Variants in BTBD9 observed in about 807,000 individuals in gnomAD.
BTBD9 encodes the protein BTB/POZ domain-containing protein 9.
BTBD9 carries 49 observed loss-of-function variants against 64.3 expected under a neutral mutation model. The observed-to-expected ratio is 0.76, with a 90% CI of 0.61 to 0.97. The LOEUF (loss-of-function observed/expected upper bound fraction) is 0.97. Among genes scored for constraint, BTBD9 ranks in the 50% least tolerant of loss-of-function variants. The pLI is 0.00. For synonymous variants in BTBD9, 260 were observed against 274.7 expected (o/e 0.95, Z 0.53); for missense variants, 598 against 762.1 (o/e 0.78, Z 2.53).
intron 10 of BTBD9, among the ~76,000 whole-genome samples, chr6:38,188,086 C>T (rs1179442048): frequency 6.6e-6 from 1 of 152,212 alleles, no homozygotes; most frequent in African/African-American, 2.4e-5. Flanking sequence ...GGCAAGAAAT[C>T]CCAGTCCGCC....
At chr6:38,558,923 T>A (rs1562338900) in intron 6 of BTBD9, among the ~76,000 whole-genome samples, 1 of 152,154 alleles carries the variant, frequency 6.6e-6, no homozygotes, top group Non-Finnish European at 1.5e-5. Context: ...TCTCTCCTCC[T>A]CCATCGTTTG....
intron 6 of BTBD9, among the ~76,000 whole-genome samples, chr6:38,475,267 T>C (rs1252676025): frequency 6.6e-6 from 1 of 152,238 alleles, no homozygotes; most frequent in Admixed American, 6.5e-5. Context: ...TTTTTCTATT[T>C]TCCAAATTTT....
intron 7 of BTBD9, among the ~76,000 whole-genome samples, chr6:38,290,392 G>A (rs1356473001): frequency 6.6e-6 from 1 of 151,682 alleles, no homozygotes; most frequent in Non-Finnish European, 1.5e-5. Flanking sequence ...AAAAAGGGCA[G>A]TATTCTTTGA....
At chr6:38,281,225 A>G (rs1415890638) in intron 8 of BTBD9, among the ~76,000 whole-genome samples, 1 of 152,196 alleles carries the variant, frequency 6.6e-6, no homozygotes, top group Non-Finnish European at 1.5e-5. Flanking sequence ...TGCATGAGCA[A>G]CAGTTAGGCA....
At chr6:38,525,483 T>C (rs1453862987) in intron 6 of BTBD9, among the ~76,000 whole-genome samples, 1 of 152,210 alleles carries the variant, frequency 6.6e-6, no homozygotes, top group Non-Finnish European at 1.5e-5. Context: ...ATACAGAGAA[T>C]GTGGAAGCCA....
intron 2 of BTBD9, among the ~76,000 whole-genome samples, chr6:38,597,049 A>C (rs1777061516): frequency 6.6e-6 from 1 of 152,178 alleles, no homozygotes. Context: ...GGCATTTTAC[A>C]TGTGTAAGAT....
At chr6:38,209,287 G>A (rs1280467242) in intron 9 of BTBD9, among the ~76,000 whole-genome samples, 2 of 152,156 alleles carry the variant, frequency 1.3e-5, no homozygotes, top group African/African-American at 4.8e-5. Flanking sequence ...TGTTAAAATG[G>A]ACTCTTGTAC....
chr6:38,277,942 C>T (rs1318804974), intron 8 of BTBD9, among the ~76,000 whole-genome samples: 1 of 152,290 alleles, frequency 6.6e-6, no homozygotes. Flanking sequence ...AGCCAACCCC[C>T]TTACCATGAC....
At chr6:38,400,088 G>A (rs1056952181) in intron 6 of BTBD9, among the ~76,000 whole-genome samples, 1 of 151,782 alleles carries the variant, frequency 6.6e-6, no homozygotes, top group Non-Finnish European at 1.5e-5. Context: ...ACTATTTTTG[G>A]CTTTCCTGTC....
intron 7 of BTBD9, among the ~76,000 whole-genome samples, chr6:38,295,389 C>T (rs1213507106): frequency 6.6e-6 from 1 of 152,062 alleles, no homozygotes; most frequent in Non-Finnish European, 1.5e-5. Context: ...TGGTCTTGAA[C>T]TCCTGGGCTC....
At chr6:38,489,996 T>TC (rs1771630325) in intron 6 of BTBD9, among the ~76,000 whole-genome samples, 2 of 152,368 alleles carry the variant, frequency 1.3e-5, no homozygotes, top group South Asian at 4.1e-4. Context: ...AGTCAAATCC[T>TC]CTGCATTTGT....
At chr6:38,324,112 A>C (rs1355355881) in intron 7 of BTBD9, among the ~76,000 whole-genome samples, 1 of 152,204 alleles carries the variant, frequency 6.6e-6, no homozygotes, top group African/African-American at 2.4e-5. Flanking sequence ...GGGGAAGGAA[A>C]GAAAGAACTT....
Position 38,173,392 on chromosome 6 carries a change from C to G in BTBD9, c.*1593G>C, listed in dbSNP as rs554556599. The G allele has an allele frequency of 7.7e-4, 118 of 152,390 alleles. No individual in the cohort carries two copies. The highest frequency in any genetic ancestry group is 2.7e-3 in the African/African-American group (112 of 41,582). 9.4% of individuals were successfully genotyped at this position (152,390 alleles called of 1,614,324 possible). ...AAGCAGCTCAGCCCTGCAGCTGGAG[C>G]TACCGGGGAGGATGGAGAGCTGCAG... On this transcript the variant is annotated 3_prime_UTR_variant, in exon 11 of 11. Transcript: ENST00000481247.
chr6:38,631,996 C>T (rs963378231), intron 1 of BTBD9, among the ~76,000 whole-genome samples: 3 of 152,104 alleles, frequency 2.0e-5, no homozygotes, highest in Non-Finnish European at 2.9e-5. Context: ...GGCGTGGTGG[C>T]GCATGCCTGT....
intron 6 of BTBD9, among the ~76,000 whole-genome samples, chr6:38,526,398 G>A (rs1773493396): frequency 6.6e-6 from 1 of 152,264 alleles, no homozygotes; most frequent in African/African-American, 2.4e-5. Flanking sequence ...GTCTGCTGCA[G>A]GGGCAGAGCC....
At chr6:38,211,298 G>A (rs966338273) in intron 9 of BTBD9, among the ~76,000 whole-genome samples, 2 of 152,070 alleles carry the variant, frequency 1.3e-5, no homozygotes, top group Admixed American at 6.5e-5. Context: ...GCATGGTGGC[G>A]GGCGCCTGCA....
intron 6 of BTBD9, among the ~76,000 whole-genome samples, chr6:38,527,922 C>T (rs1773581686): frequency 6.6e-6 from 1 of 151,790 alleles, no homozygotes. Flanking sequence ...CCAAATTTAA[C>T]AACTATCCAC....
intron 6 of BTBD9, among the ~76,000 whole-genome samples, chr6:38,374,298 T>TATATATATATATATATATATAC (rs1562095366): frequency 3.9e-5 from 2 of 50,814 alleles, no homozygotes; most frequent in African/African-American, 3.9e-4. Flanking sequence ...TATATATATG[T>TATATATATATATATATATATAC]ATATATATGT....
intron 6 of BTBD9, among the ~76,000 whole-genome samples, chr6:38,506,823 G>A (rs1321812164): frequency 6.6e-6 from 1 of 152,064 alleles, no homozygotes; most frequent in African/African-American, 2.4e-5. Flanking sequence ...TCTTCCAAAG[G>A]CTTTCCATTT....
Sources: gnomAD v4.1 joint callset for allele counts (sites outside exome capture counted in the v4.1 genomes callset) on GRCh38, gnomAD v4.1.1 for gene constraint, MANE v1.5 for transcripts, NCBI Gene and HGNC (gene_info 2026-07-23, HGNC 2026-07-21) for gene names.